The following DYNC2H1 variants were observed in gnomAD, a reference collection of about 807,000 sequenced individuals.
DYNC2H1 encodes dynein cytoplasmic 2 heavy chain 1.
DYNC2H1 carries 410 observed loss-of-function variants against 570.0 expected under a neutral mutation model. The ratio of observed to expected loss-of-function variants is 0.72; its 90% CI spans 0.66 to 0.78. The LOEUF (loss-of-function observed/expected upper bound fraction) is 0.78, where lower values mean the gene tolerates loss of function less well. Among genes scored for constraint, DYNC2H1 ranks in the 30% least tolerant of loss-of-function variants. The pLI is 0.00. For missense variants in DYNC2H1, 4,865 were observed against 5,046.4 expected (o/e 0.96, Z 1.09); for synonymous variants, 1,688 against 1,677.6 (o/e 1.01, Z -0.15).
intron 20 of DYNC2H1, 36 bp from the exon 21 acceptor site, chr11:103,152,100 T>A: frequency 1.4e-6 from 2 of 1,472,772 alleles, no homozygotes; most frequent in Non-Finnish European, 1.8e-6. Context: ...TAAAATAGGT[T>A]GTTATTCAAT....
In DYNC2H1 at chr11:103,187,368, C is replaced by T; in HGVS notation, c.6922C>T (p.Leu2308Phe). 1 of 1,613,072 alleles carries T rather than the reference C, an allele frequency of 6.2e-7. No homozygotes were observed. The highest frequency in any genetic ancestry group is 8.5e-7 in the Non-Finnish European group (1 of 1,179,290). ...GMLLRYAFSQ[L>F]RSTQIATVHC... The stretch of plus-strand genomic sequence containing the variant: ...GCTGCTCAGGTACGCATTTTCACAA[C>T]TCCGGTCCACTCAAATTGCTACAGT... Residue 2308 changes from leucine (L) to phenylalanine (F), a missense_variant, in exon 43 of 89, where the codon CTC becomes TTC. Coordinates refer to ENST00000375735, the MANE Select transcript of DYNC2H1 (RefSeq NM_001377.3).
intron 85 of DYNC2H1, among the ~76,000 whole-genome samples, chr11:103,440,746 C>T (rs1944238517): frequency 6.6e-6 from 1 of 152,124 alleles, no homozygotes; most frequent in African/African-American, 2.4e-5. Flanking sequence ...TGTTCCCCAG[C>T]GGGTAGTTCA....
At chr11:103,188,199 C>T (rs1014020568) in intron 43 of DYNC2H1, among the ~76,000 whole-genome samples, 1 of 151,918 alleles carries the variant, frequency 6.6e-6, no homozygotes, top group African/African-American at 2.4e-5. Flanking sequence ...TTTCCTGATA[C>T]TTTCATTTTC....
In DYNC2H1 at chr11:103,325,223, T is replaced by C. The variant is rs931015829; in HGVS notation, c.12039+1233T>C. ...CAGAAGCTCTTTAGTTAGGTCTCAT[T>C]TGACAATTTTTGTTTGGGTTGCAAT... On this transcript the variant is annotated intron_variant, in intron 82 of 88. Coordinates refer to ENST00000375735, the MANE Select transcript of DYNC2H1 (RefSeq NM_001377.3). The surrounding 1 kb of genome is among the most constrained non-coding windows in gnomAD (Gnocchi z 4.8). 1.3e-5 allele frequency among the ~76,000 whole-genome samples: 2 copies of C among 152,222 alleles called. No individual in the cohort carries two copies. Among genetic ancestry groups the C allele is most frequent in the African/African-American group, 4.8e-5 (2 of 41,450 alleles).
In DYNC2H1 at chr11:103,163,070, G is replaced by T. The variant is rs1276394091; in HGVS notation, c.4534G>T (p.Glu1512Ter). The T allele has an allele frequency of 1.9e-6, 3 of 1,612,854 alleles. No individual in the cohort carries two copies. Among genetic ancestry groups the T allele is most frequent in the African/African-American group, 1.3e-5 (1 of 74,836 alleles). The change falls in exon 30 of 89, where the codon GAA (glutamate) becomes TAA (stop). Residue 1512 changes from glutamate to a stop codon, truncating the protein, a stop_gained. Coordinates refer to ENST00000375735, the MANE Select transcript of DYNC2H1 (RefSeq NM_001377.3). LOFTEE classifies it high-confidence loss of function. The surrounding 1 kb of genome is among the most constrained non-coding windows in gnomAD (Gnocchi z 4.6). ...GGCCTTAGAAATGAAGAAAACTTTG[G>T]AACAGTTGTTGAAGGAATGTGTTAC... ...DLALEMKKTL[E>*]QLLKECVTTG...
intron 84 of DYNC2H1, chr11:103,407,355 C>G (rs11225775): frequency 0.51 from 77,462 of 151,442 alleles, 20,137 homozygotes; most frequent in African/African-American, 0.62. Flanking sequence ...TGGATTCTCA[C>G]GGGTAGGTTC....
In DYNC2H1 at chr11:103,199,607, T is replaced by A; in HGVS notation, c.8088+131T>A. The A allele has an allele frequency of 1.2e-6, 1 of 802,854 alleles. No individual in the cohort carries two copies. The highest frequency in any genetic ancestry group is 1.8e-5 in the African/African-American group (1 of 56,724). 49.7% of individuals were successfully genotyped at this position (802,854 alleles called of 1,614,324 possible). On this transcript the variant is annotated intron_variant, in intron 49 of 88. Coordinates refer to ENST00000375735, the MANE Select transcript of DYNC2H1 (RefSeq NM_001377.3). This position sits in a 1 kb window ranked among gnomAD's most constrained non-coding sequence, Gnocchi z 4.6. ...ACATCTTTAAAGAACTAAAGTTCTC[T>A]GTTATACAATGTAGTCTTTATTTTA...
chr11:103,270,613 A>T (rs1325692640), intron 70 of DYNC2H1, among the ~76,000 whole-genome samples: 3 of 150,496 alleles, frequency 2.0e-5, no homozygotes, highest in African/African-American at 7.3e-5. Flanking sequence ...GAACTATCTT[A>T]TTGTACTCTA....
At chr11:103,120,199 G>A (rs923393074) in intron 6 of DYNC2H1, among the ~76,000 whole-genome samples, 1 of 152,030 alleles carries the variant, frequency 6.6e-6, no homozygotes, top group Non-Finnish European at 1.5e-5. Context: ...AAATGTTTAG[G>A]TCTTATATAT....
intron 17 of DYNC2H1, 136 bp downstream of exon 17, chr11:103,136,084 G>C (rs1057040073): frequency 1.5e-6 from 1 of 680,524 alleles, no homozygotes. Context: ...AGCTGGATTC[G>C]TAGATACTTA....
intron 83 of DYNC2H1, 27 bp downstream of exon 83, chr11:103,358,386 C>A: frequency 6.9e-7 from 1 of 1,457,408 alleles, no homozygotes; most frequent in Non-Finnish European, 9.4e-7. Context: ...TCTTCTGATT[C>A]TTTTGCTTTT....
intron 70 of DYNC2H1, among the ~76,000 whole-genome samples, chr11:103,263,022 C>CAA (rs35912109): frequency 0.01 from 402 of 39,968 alleles, 5 homozygotes; most frequent in Middle Eastern, 0.029. Context: ...AAATGGAAAG[C>CAA]AAAAAAAAAA....
At chr11:103,287,015 A>C (rs540615227) in intron 74 of DYNC2H1, among the ~76,000 whole-genome samples, 10 of 152,336 alleles carry the variant, frequency 6.6e-5, no homozygotes, top group African/African-American at 1.9e-4. Context: ...GATATGCATG[A>C]ATCAGTAGTC....
At chr11:103,119,764 G>A (rs1331786912) in intron 6 of DYNC2H1, among the ~76,000 whole-genome samples, 2 of 151,960 alleles carry the variant, frequency 1.3e-5, no homozygotes, top group Non-Finnish European at 2.9e-5. Context: ...TCTTTTTGGG[G>A]GCTATTTATC....
intron 85 of DYNC2H1, among the ~76,000 whole-genome samples, chr11:103,444,332 GT>G (rs1389374131): frequency 6.6e-6 from 1 of 151,832 alleles, no homozygotes; most frequent in African/African-American, 2.4e-5. Context: ...CACATAAGGG[GT>G]TTTCATTCAA....
chr11:103,143,500 T>G lies in DYNC2H1; in HGVS notation c.2702+105T>G, dbSNP rs1367775712. The stretch of plus-strand genomic sequence containing the variant: ...ATTGAAGTCACATCAGCTTCTTGCC[T>G]CCTCCAGATCTCATTTATGACACTT... On this transcript the variant is annotated intron_variant, in intron 18 of 88. Transcript: ENST00000375735. The G allele has an allele frequency of 4.5e-6, 5 of 1,112,380 alleles. No individual in the cohort carries two copies. The African/African-American group carries it at 7.9e-5, about 18-fold the overall frequency. 68.9% of individuals were successfully genotyped at this position (1,112,380 alleles called of 1,614,324 possible).
intron 82 of DYNC2H1, among the ~76,000 whole-genome samples, chr11:103,347,956 C>A (rs1303217612): frequency 6.6e-6 from 1 of 152,020 alleles, no homozygotes; most frequent in Non-Finnish European, 1.5e-5. Context: ...CTAACCTACA[C>A]TGAGAAAAAG....
At chr11:103,447,259 C>CGA (rs1167370794) in intron 85 of DYNC2H1, among the ~76,000 whole-genome samples, 2 of 152,098 alleles carry the variant, frequency 1.3e-5, no homozygotes, top group Non-Finnish European at 2.9e-5. Context: ...CTCCAGTACT[C>CGA]TAATAGGTGG....
intron 87 of DYNC2H1, among the ~76,000 whole-genome samples, chr11:103,460,780 TTC>T (rs1305832105): frequency 6.6e-6 from 1 of 151,766 alleles, no homozygotes; most frequent in Non-Finnish European, 1.5e-5. Context: ...AAATATTTGT[TTC>T]TTAGTTAGAA....
Sources: gnomAD v4.1 joint callset for allele counts (sites outside exome capture counted in the v4.1 genomes callset) on GRCh38, gnomAD v4.1.1 for gene constraint, Gnocchi (gnomAD v3.1) non-coding constraint, MANE v1.5 for transcripts, NCBI Gene and HGNC (gene_info 2026-07-23, HGNC 2026-07-21) for gene names.